Variants in TAX1BP1 observed in about 807,000 individuals in gnomAD.
TAX1BP1 encodes tax1-binding protein 1.
In TAX1BP1, 62 loss-of-function variants were observed where a neutral mutation model predicts 97.7. That is an observed-to-expected ratio of 0.63 (90% CI 0.52 to 0.78). The LOEUF (loss-of-function observed/expected upper bound fraction) is 0.78. Among genes scored for constraint, TAX1BP1 ranks in the 30% least tolerant of loss-of-function variants. The probability of loss-of-function intolerance (pLI) is 0.00; values close to 1 mark genes in which losing one functional copy is unlikely to be tolerated. For missense variants in TAX1BP1, 867 were observed against 916.1 expected, an observed-to-expected ratio of 0.95 and a Z score of 0.69; for synonymous variants, 340 against 304.2, an observed-to-expected ratio of 1.12 and a Z score of -1.23.
chr7:27,804,253 C>A (rs1790251746), intron 13 of TAX1BP1, among the ~76,000 whole-genome samples: 1 of 152,188 alleles, frequency 6.6e-6, no homozygotes, highest in African/African-American at 2.4e-5. Context: ...AATCATGTAT[C>A]ATAAAAGAGC....
intron 13 of TAX1BP1, among the ~76,000 whole-genome samples, chr7:27,801,638 G>A (rs1790141005): frequency 1.3e-5 from 2 of 152,150 alleles, no homozygotes; most frequent in African/African-American, 2.4e-5. Flanking sequence ...TGCTAGAAGT[G>A]TAATGGTAGT....
In TAX1BP1 at chr7:27,758,257, C is replaced by T. The variant is rs1788300873; in HGVS notation, c.265+124C>T. On this transcript the variant is annotated intron_variant, in intron 3 of 16. Transcript: ENST00000396319. ...GTACCAAAGTTGAATTAGTTAGTGT[C>T]TTTACTTAGCAAAAGCCCTAAGAAT... 6.7e-6 allele frequency: 4 copies of T among 600,176 alleles called. No individual in the cohort carries two copies. The Admixed American group carries it at 1.4e-4, about 21-fold the overall frequency. 37.2% of individuals were successfully genotyped at this position (600,176 alleles called of 1,614,324 possible).
intron 13 of TAX1BP1, chr7:27,803,083 A>T: frequency 6.5e-7 from 1 of 1,536,576 alleles, no homozygotes; most frequent in South Asian, 1.2e-5. Context: ...ATGAAAAAAA[A>T]TAAAGAAATT....
chr7:27,741,507 T>TA (rs1303799772), intron 1 of TAX1BP1, among the ~76,000 whole-genome samples: 4 of 152,038 alleles, frequency 2.6e-5, no homozygotes, highest in Non-Finnish European at 5.9e-5. Flanking sequence ...TTCTTTTTTT[T>TA]TTTTTTTCCT....
At chr7:27,761,039 T>C (rs1331588902) in intron 3 of TAX1BP1, among the ~76,000 whole-genome samples, 2 of 152,224 alleles carry the variant, frequency 1.3e-5, no homozygotes, top group African/African-American at 4.8e-5. Flanking sequence ...CTAATTGATA[T>C]GGTCTTATCT....
intron 5 of TAX1BP1, among the ~76,000 whole-genome samples, chr7:27,777,502 T>G (rs1789076080): frequency 6.6e-6 from 1 of 152,190 alleles, no homozygotes; most frequent in African/African-American, 2.4e-5. Context: ...TGGCCCTTTT[T>G]GAGTTCCAGG....
Position 27,793,159 on chromosome 7 carries a change from T to C in TAX1BP1, c.1357T>C (p.Phe453Leu), listed in dbSNP as rs1278237980. 2.5e-6 allele frequency: 4 copies of C among 1,595,580 alleles called. No individual in the cohort carries two copies. Among genetic ancestry groups the C allele is most frequent in the East Asian group, 2.3e-5 (1 of 44,442 alleles). Residue 453 changes from phenylalanine (F) to leucine (L), a missense_variant, in exon 10 of 17, where the codon TTT becomes CTT. Phe to Leu is a conservative substitution (Grantham distance 22). Transcript: ENST00000396319. ...GGCTGCAGACCATTATAAAGAAAAA[T>C]TTAAGGAATGCCAAAGGCTCCAAAA... ...QMAADHYKEK[F>L]KECQRLQKQI...
intron 13 of TAX1BP1, among the ~76,000 whole-genome samples, chr7:27,802,537 T>C (rs1001114341): frequency 6.6e-6 from 1 of 152,178 alleles, no homozygotes; most frequent in Non-Finnish European, 1.5e-5. Flanking sequence ...ATTTAGAGAC[T>C]GAAAGTGTTG....
Position 27,748,571 on chromosome 7 carries a change from A to T in TAX1BP1, c.47A>T (p.His16Leu). The change falls in exon 2 of 17, where the codon CAT becomes CTT. Residue 16 changes from histidine to leucine, a missense_variant. Coordinates refer to ENST00000396319, the MANE Select transcript of TAX1BP1 (RefSeq NM_006024.7). ...EVPLQTSNFA[H>L]VIFQNVAKSY... ...CCATTGCAGACTTCCAACTTTGCCC[A>T]TGTCATCTTTCAAAATGTGGCCAAG... 6.2e-7 allele frequency: 1 copy of T among 1,604,750 alleles called. No homozygotes were observed. The highest frequency in any genetic ancestry group is 8.5e-7 in the Non-Finnish European group (1 of 1,174,838).
At chr7:27,773,895 A>T (rs191761852) in intron 5 of TAX1BP1, among the ~76,000 whole-genome samples, 128 of 152,192 alleles carry the variant, frequency 8.4e-4, no homozygotes, top group African/African-American at 2.7e-3. Context: ...TTTAGCTTAT[A>T]ATTTTTTTGG....
At chr7:27,827,616 G>C in intron 15 of TAX1BP1, 122 bp from the exon 16 acceptor site, 1 of 711,040 alleles carries the variant, frequency 1.4e-6, no homozygotes, top group East Asian at 2.6e-5. Flanking sequence ...TTAAATGATA[G>C]CAGAGAGAAA....
At chr7:27,785,535 A>G (rs1789447921) in intron 7 of TAX1BP1, 46 bp downstream of exon 7, 1 of 1,515,326 alleles carries the variant, frequency 6.6e-7, no homozygotes, top group Non-Finnish European at 9.1e-7. Flanking sequence ...TTCAAAAGAA[A>G]TGACCCCAGA....
At chr7:27,791,012 CCTT>C (rs1789684714) in intron 8 of TAX1BP1, among the ~76,000 whole-genome samples, 1 of 151,900 alleles carries the variant, frequency 6.6e-6, no homozygotes, top group Non-Finnish European at 1.5e-5. Context: ...TTTTGTTTCT[CCTT>C]ATTGACTAGA....
At chr7:27,819,456 A>G (rs1402663591) in intron 15 of TAX1BP1, among the ~76,000 whole-genome samples, 1 of 152,154 alleles carries the variant, frequency 6.6e-6, no homozygotes, top group Admixed American at 6.5e-5. Flanking sequence ...CACTTGCTTT[A>G]TATCACAGCA....
In TAX1BP1 at chr7:27,796,113, C is replaced by T. The variant is rs573457450; in HGVS notation, c.1535-3C>T. 20 of 1,603,316 alleles carry T rather than the reference C, an allele frequency of 1.2e-5. No individual in the cohort carries two copies. Among genetic ancestry groups the T allele is most frequent in the African/African-American group, 2.7e-5 (2 of 74,300 alleles). On this transcript the variant is annotated splice_polypyrimidine_tract_variant and splice_region_variant and intron_variant, in intron 11 of 16. Coordinates refer to ENST00000396319, the MANE Select transcript of TAX1BP1 (RefSeq NM_006024.7). ...AACAGTCTTATATTCTGCCTTTCTA[C>T]AGCAGAGGCAGATTTTGACATAGTA...
intron 2 of TAX1BP1, among the ~76,000 whole-genome samples, chr7:27,755,939 A>G (rs1009711572): frequency 2.6e-5 from 4 of 152,148 alleles, no homozygotes; most frequent in African/African-American, 9.7e-5. Flanking sequence ...AATTGCTGTT[A>G]TTAACTTTAA....
intron 10 of TAX1BP1, among the ~76,000 whole-genome samples, chr7:27,793,712 T>G (rs953313749): frequency 2.0e-5 from 3 of 152,216 alleles, no homozygotes; most frequent in African/African-American, 7.2e-5. Flanking sequence ...TAGGTAGATT[T>G]GTAATATACC....
chr7:27,755,299 T>C (rs1387191901), intron 2 of TAX1BP1, among the ~76,000 whole-genome samples: 1 of 152,196 alleles, frequency 6.6e-6, no homozygotes, highest in Non-Finnish European at 1.5e-5. Flanking sequence ...TCCTCCTATA[T>C]CCATATGTAA....
Position 27,765,825 on chromosome 7 carries a change from T to A in TAX1BP1, c.266-9T>A, listed in dbSNP as rs376495016. On this transcript the variant is annotated splice_polypyrimidine_tract_variant and intron_variant, in intron 3 of 16. Coordinates refer to ENST00000396319, the MANE Select transcript of TAX1BP1 (RefSeq NM_006024.7). ...AGTTTAATAATTTTGTTTGTTAACTTCCTCTTAGGATATTACCTTCCAAAT... is the reference window on the plus strand; with the variant it reads ...AGTTTAATAATTTTGTTTGTTAACTACCTCTTAGGATATTACCTTCCAAAT... The A allele has an allele frequency of 1.7e-5, 27 of 1,596,522 alleles. No homozygotes were observed. In the African/African-American group the frequency reaches 3.5e-4, roughly 21 times the overall value.
Sources: gnomAD v4.1 joint callset for allele counts (sites outside exome capture counted in the v4.1 genomes callset) on GRCh38, gnomAD v4.1.1 for gene constraint, MANE v1.5 for transcripts, NCBI Gene and HGNC (gene_info 2026-07-23, HGNC 2026-07-21) for gene names.